GXYLT2: variants seen among roughly 807,000 people sequenced by gnomAD.
GXYLT2 encodes the protein glucoside xylosyltransferase 2, also known as glycosyltransferase 8 domain containing 4.
In GXYLT2, 53 loss-of-function variants were observed where a neutral mutation model predicts 45.8. That is an observed-to-expected ratio of 1.16 (90% CI 0.93 to 1.46). GXYLT2 has a LOEUF of 1.46. GXYLT2 is among the 40% of genes most tolerant of loss of function. GXYLT2 has a pLI of 0.00. For missense variants in GXYLT2, 551 were observed against 544.4 expected (o/e 1.01, Z -0.12); for synonymous variants, 219 against 214.2 (o/e 1.02, Z -0.19).
At chr3:72,929,937 C>G (rs551927555) in intron 3 of GXYLT2, among the ~76,000 whole-genome samples, 31 of 152,226 alleles carry the variant, frequency 2.0e-4, no homozygotes, top group African/African-American at 7.0e-4. Context: ...GAGGCCAAGG[C>G]AGGTGGATCA....
rs369180516 is a variant in GXYLT2, at chr3:72,946,338, T to C, written c.601-8760T>C. ...TTTTAAAGTACATTTGAGGGCCTTA[T>C]CATCTTAATGAACTTAGGAAATAAA... is the stretch of plus-strand genomic sequence containing the variant. On this transcript the variant is annotated intron_variant, in intron 3 of 6. Coordinates refer to ENST00000389617, the MANE Select transcript of GXYLT2 (RefSeq NM_001080393.2). Among the ~76,000 whole-genome samples the C allele has an allele frequency of 5.5e-5, 8 of 145,366 alleles. No individual in the cohort carries two copies. In the East Asian group the frequency reaches 6.1e-4, roughly 11 times the overall value.
At chr3:72,920,429 C>T (rs1161727871) in intron 2 of GXYLT2, among the ~76,000 whole-genome samples, 1 of 152,164 alleles carries the variant, frequency 6.6e-6, no homozygotes, top group African/African-American at 2.4e-5. Context: ...GCCACCACTC[C>T]TGGCCTTGTT....
At chr3:72,896,086 T>C (rs915404232) in intron 1 of GXYLT2, among the ~76,000 whole-genome samples, 10 of 152,198 alleles carry the variant, frequency 6.6e-5, no homozygotes, top group African/African-American at 2.4e-4. Flanking sequence ...GTACTATTAT[T>C]ATCCATCATT....
intron 3 of GXYLT2, among the ~76,000 whole-genome samples, chr3:72,946,406 T>G (rs1232419280): frequency 6.6e-6 from 1 of 151,912 alleles, no homozygotes; most frequent in East Asian, 1.9e-4. Context: ...ACTAAGTCAT[T>G]CCAGAAGGCA....
At chr3:72,922,471 C>A in intron 3 of GXYLT2, 136 bp downstream of exon 3, 1 of 814,082 alleles carries the variant, frequency 1.2e-6, no homozygotes, top group South Asian at 1.8e-5. Context: ...TGCTCTAAGT[C>A]TGCAGCATGT....
intron 2 of GXYLT2, among the ~76,000 whole-genome samples, chr3:72,915,833 A>C (rs1303047520): frequency 7.7e-5 from 11 of 143,440 alleles, no homozygotes; most frequent in Admixed American, 7.1e-4. Flanking sequence ...ACCCTGTCTC[A>C]AAAAAAAAAA....
At chr3:72,935,284 A>T (rs1710154835) in intron 3 of GXYLT2, among the ~76,000 whole-genome samples, 1 of 152,006 alleles carries the variant, frequency 6.6e-6, no homozygotes. Context: ...CAATAGAAGA[A>T]CTGGGAAAAT....
In GXYLT2 at chr3:72,923,218, G is replaced by T. The variant is rs533647769; in HGVS notation, c.600+883G>T. On this transcript the variant is annotated intron_variant, in intron 3 of 6. Transcript: ENST00000389617. ...TGCAGTGAGCCAAGATCACGCCACT[G>T]CACTCCAGCCTGGGCAACAAGAGCT... Among the ~76,000 whole-genome samples, 377 of 151,768 alleles carry T rather than the reference G, an allele frequency of 2.5e-3. 1 individual carries two copies. The highest frequency in any genetic ancestry group is 8.9e-3 in the African/African-American group (367 of 41,352).
Position 72,888,071 on chromosome 3 carries a change from C to A in GXYLT2, c.-163C>A. ...CTCTCCTCTCTCTCCTCCTCCTTCG[C>A]CGTCGCCGCCGCCGCCGGCCGCCCG... On this transcript the variant is annotated 5_prime_UTR_variant, in exon 1 of 7. Transcript: ENST00000389617. 4.2e-6 allele frequency: 1 copy of A among 237,272 alleles called. No homozygotes were observed. The highest frequency in any genetic ancestry group is 6.8e-6 in the Non-Finnish European group (1 of 147,110). 14.7% of individuals were successfully genotyped at this position (237,272 alleles called of 1,614,324 possible).
intron 1 of GXYLT2, among the ~76,000 whole-genome samples, chr3:72,907,265 A>G (rs573504496): frequency 1.3e-5 from 2 of 152,356 alleles, no homozygotes; most frequent in East Asian, 3.9e-4. Context: ...AAGTAATCAA[A>G]CTGGGAGCCT....
intron 3 of GXYLT2, among the ~76,000 whole-genome samples, chr3:72,950,671 A>G (rs1169034048): frequency 6.6e-6 from 1 of 152,136 alleles, no homozygotes; most frequent in Non-Finnish European, 1.5e-5. Flanking sequence ...AAGATCACAT[A>G]GTTAGTGGTG....
chr3:72,910,907 G>C (rs1323193491), intron 2 of GXYLT2, among the ~76,000 whole-genome samples: 3 of 152,182 alleles, frequency 2.0e-5, no homozygotes, highest in Non-Finnish European at 4.4e-5. Flanking sequence ...TACAATATCT[G>C]TCTACCCAGT....
chr3:72,958,203 G>A (rs1481476876), intron 5 of GXYLT2, among the ~76,000 whole-genome samples: 2 of 151,406 alleles, frequency 1.3e-5, no homozygotes, highest in African/African-American at 2.4e-5. Context: ...AACCCGGGAA[G>A]TGGAGGTTGC....
chr3:72,916,931 A>G lies in GXYLT2; in HGVS notation c.469-5273A>G, dbSNP rs189318758. ...AGATCCTAAAAGTCTTCTGTTCTAT[A>G]ACATTTGTAGATGCTCAAAAATATT... On this transcript the variant is annotated intron_variant, in intron 2 of 6. Coordinates refer to ENST00000389617, the MANE Select transcript of GXYLT2 (RefSeq NM_001080393.2). Among the ~76,000 whole-genome samples, 12 of 152,118 alleles carry G rather than the reference A, an allele frequency of 7.9e-5. No homozygotes were observed. The East Asian group carries it at 1.9e-3, about 24-fold the overall frequency.
rs1416702403 is a variant in GXYLT2, at chr3:72,905,504, G to T, written c.276-2863G>T. 2.0e-5 allele frequency among the ~76,000 whole-genome samples: 3 copies of T among 152,122 alleles called. No homozygotes were observed. In the East Asian group the frequency reaches 5.8e-4, roughly 29 times the overall value. On this transcript the variant is annotated intron_variant, in intron 1 of 6. Coordinates refer to ENST00000389617, the MANE Select transcript of GXYLT2 (RefSeq NM_001080393.2). ...ATATGGTATTCACTTTAAAAACATA[G>T]CAAATATATTCACTTTTCTCCTTTG...
In GXYLT2 at chr3:72,926,676, G is replaced by C. The variant is rs73838421; in HGVS notation, c.600+4341G>C. On this transcript the variant is annotated intron_variant, in intron 3 of 6. Transcript: ENST00000389617. ...TACATTTTGCTACACGCTGTGAGGA[G>C]AGAAATTATGAAGATTTCTCTCCTC... Among the ~76,000 whole-genome samples, 696 of 152,226 alleles carry C rather than the reference G, an allele frequency of 4.6e-3. 2 individuals are homozygous for C. The highest frequency in any genetic ancestry group is 0.016 in the African/African-American group (657 of 41,532).
intron 3 of GXYLT2, among the ~76,000 whole-genome samples, chr3:72,926,486 A>G (rs1384934448): frequency 6.6e-6 from 1 of 152,228 alleles, no homozygotes; most frequent in Non-Finnish European, 1.5e-5. Flanking sequence ...CAATATGCCA[A>G]TTACAAATAA....
chr3:72,891,639 T>G (rs183799758), intron 1 of GXYLT2, among the ~76,000 whole-genome samples: 1 of 152,224 alleles, frequency 6.6e-6, no homozygotes, highest in South Asian at 2.1e-4. Context: ...TTTGGCTTAT[T>G]GGTGATTTAC....
At chr3:72,931,005 A>G (rs760018690) in intron 3 of GXYLT2, among the ~76,000 whole-genome samples, 17 of 152,098 alleles carry the variant, frequency 1.1e-4, no homozygotes, top group Non-Finnish European at 2.2e-4. Context: ...ACTCCACCCA[A>G]CACCAGTAGA....
Sources: gnomAD v4.1 joint callset for allele counts (sites outside exome capture counted in the v4.1 genomes callset) on GRCh38, gnomAD v4.1.1 for gene constraint, MANE v1.5 for transcripts, NCBI Gene and HGNC (gene_info 2026-07-23, HGNC 2026-07-21) for gene names.